PLEKHM3: variants seen among roughly 807,000 people sequenced by gnomAD.
PLEKHM3 encodes pleckstrin homology domain-containing family M member 3.
PLEKHM3 carries 45 observed loss-of-function variants against 81.8 expected under a neutral mutation model. That is an observed-to-expected ratio of 0.55 (90% CI 0.43 to 0.71). The LOEUF (loss-of-function observed/expected upper bound fraction) is 0.71, where lower values mean the gene tolerates loss of function less well. Among genes scored for constraint, PLEKHM3 ranks in the 30% least tolerant of loss-of-function variants. The pLI is 0.00. For missense variants in PLEKHM3, 788 were observed against 924.3 expected (o/e 0.85, Z 1.91); for synonymous variants, 352 against 356.4 (o/e 0.99, Z 0.14).
chr2:207,834,094 G>C (rs2092303637), intron 7 of PLEKHM3, among the ~76,000 whole-genome samples: 1 of 151,272 alleles, frequency 6.6e-6, no homozygotes, highest in African/African-American at 2.4e-5. Flanking sequence ...GTGCATCACT[G>C]TCACTCCCTA....
chr2:207,908,630 T>A, intron 5 of PLEKHM3, 53 bp from the exon 6 acceptor site: 2 of 1,476,386 alleles, frequency 1.4e-6, no homozygotes, highest in Non-Finnish European at 1.9e-6. Context: ...ATAACACACA[T>A]TTTTCTGATA....
chr2:207,968,400 A>G (rs555167098), intron 3 of PLEKHM3, among the ~76,000 whole-genome samples: 1 of 152,136 alleles, frequency 6.6e-6, no homozygotes, highest in Non-Finnish European at 1.5e-5. Flanking sequence ...GTGGGGGGCC[A>G]CTTTAGCTCT....
At chr2:207,922,476 A>T (rs1031286255) in intron 5 of PLEKHM3, among the ~76,000 whole-genome samples, 8 of 152,082 alleles carry the variant, frequency 5.3e-5, no homozygotes, top group Admixed American at 3.9e-4. Flanking sequence ...GGGCCTTCTG[A>T]TCTAGCCAGC....
rs773743689 is a variant in PLEKHM3, at chr2:208,001,581, A to C, written c.59T>G (p.Phe20Cys). The change falls in exon 2 of 8, where the codon TTT becomes TGT. Residue 20 changes from phenylalanine (F) to cysteine (C), a missense_variant. Transcript: ENST00000427836. Reference protein sequence around the residue: ...SPALEVTEEFFSTLDSNLEKA... With the variant: ...SPALEVTEEFCSTLDSNLEKA... ...TTCTAGATTACTATCCAAAGTACTA[A>C]AGAATTCCTCCGTAACTTCTAAGGC... 6 of 1,614,040 alleles carry C rather than the reference A, an allele frequency of 3.7e-6. No homozygotes were observed. The Admixed American group carries it at 8.3e-5, about 22-fold the overall frequency.
chr2:207,892,740 C>T (rs1020696644), intron 6 of PLEKHM3, among the ~76,000 whole-genome samples: 10 of 152,156 alleles, frequency 6.6e-5, no homozygotes, highest in Non-Finnish European at 1.5e-4. Flanking sequence ...TGAAGAAAAA[C>T]CCAGAAGCAA....
intron 3 of PLEKHM3, among the ~76,000 whole-genome samples, chr2:207,971,071 G>A (rs1366918200): frequency 6.6e-6 from 1 of 152,152 alleles, no homozygotes; most frequent in Non-Finnish European, 1.5e-5. Context: ...CCCTACAGTG[G>A]GCCATCCAAT....
intron 5 of PLEKHM3, among the ~76,000 whole-genome samples, chr2:207,930,321 C>G (rs1689547258): frequency 6.6e-6 from 1 of 152,082 alleles, no homozygotes; most frequent in Non-Finnish European, 1.5e-5. Context: ...GTGGCTCACA[C>G]CTGTAATCCC....
At chr2:207,974,217 T>C (rs909860209) in intron 3 of PLEKHM3, among the ~76,000 whole-genome samples, 1 of 152,240 alleles carries the variant, frequency 6.6e-6, no homozygotes, top group African/African-American at 2.4e-5. Flanking sequence ...TTCCTGTTCT[T>C]TTCTACTCAG....
intron 1 of PLEKHM3, among the ~76,000 whole-genome samples, chr2:208,004,460 G>C: frequency 6.6e-6 from 1 of 152,130 alleles, no homozygotes; most frequent in African/African-American, 2.4e-5. Flanking sequence ...GGCCATGCTG[G>C]TTGGTGGAAT....
At chr2:207,866,793 G>C (rs984768596) in intron 6 of PLEKHM3, among the ~76,000 whole-genome samples, 3 of 152,038 alleles carry the variant, frequency 2.0e-5, no homozygotes, top group Non-Finnish European at 4.4e-5. Context: ...ACCCTGTCTT[G>C]ATCTAGAAAG....
At chr2:208,006,953 C>T (rs1277355072) in intron 1 of PLEKHM3, among the ~76,000 whole-genome samples, 1 of 152,134 alleles carries the variant, frequency 6.6e-6, no homozygotes, top group Non-Finnish European at 1.5e-5. Context: ...TTAGGCAAGG[C>T]TAATTAACAG....
chr2:207,893,913 C>T (rs559294651), intron 6 of PLEKHM3, among the ~76,000 whole-genome samples: 7 of 152,154 alleles, frequency 4.6e-5, no homozygotes, highest in South Asian at 2.1e-4. Context: ...CTCAGGAGTT[C>T]GAGACCAGCC....
At chr2:207,828,833 A>G (rs753343077) in intron 7 of PLEKHM3, among the ~76,000 whole-genome samples, 22 of 152,186 alleles carry the variant, frequency 1.4e-4, no homozygotes, top group Non-Finnish European at 2.5e-4. Flanking sequence ...TCTAGAGTGA[A>G]ATGACAGAAA....
chr2:207,909,012 A>C (rs1291399909), intron 5 of PLEKHM3, among the ~76,000 whole-genome samples: 1 of 152,142 alleles, frequency 6.6e-6, no homozygotes, highest in Non-Finnish European at 1.5e-5. Flanking sequence ...CTATATCTAA[A>C]TATATTGATC....
intron 6 of PLEKHM3, among the ~76,000 whole-genome samples, chr2:207,897,881 G>A (rs930193325): frequency 3.3e-5 from 5 of 152,210 alleles, no homozygotes; most frequent in African/African-American, 1.2e-4. Flanking sequence ...TTAAGGGAAT[G>A]TAGGGCTTCC....
At chr2:207,903,860 C>T (rs6716895) in intron 6 of PLEKHM3, among the ~76,000 whole-genome samples, 2,855 of 152,300 alleles carry the variant, frequency 0.019, 88 homozygotes, top group African/African-American at 0.065. Context: ...TTGAGAGTTA[C>T]GGTACAAGTC....
intron 4 of PLEKHM3, 72 bp downstream of exon 4, chr2:207,946,295 C>T: frequency 6.6e-7 from 1 of 1,513,978 alleles, no homozygotes; most frequent in Non-Finnish European, 9.0e-7. Context: ...TGATCACCAT[C>T]TTTATAATCC....
At chr2:207,955,916 G>A (rs950369093) in intron 3 of PLEKHM3, among the ~76,000 whole-genome samples, 3 of 152,310 alleles carry the variant, frequency 2.0e-5, no homozygotes, top group Non-Finnish European at 1.5e-5. Context: ...GTAAACAGCA[G>A]AAGATAAGAG....
chr2:207,961,308 T>G (rs1260545018), intron 3 of PLEKHM3, among the ~76,000 whole-genome samples: 1 of 152,204 alleles, frequency 6.6e-6, no homozygotes, highest in Admixed American at 6.5e-5. Context: ...AGTCTGCTGA[T>G]TTAAAAGAGA....
Sources: allele counts gnomAD v4.1 joint callset (sites outside exome capture counted in the v4.1 genomes callset), GRCh38; gene constraint gnomAD v4.1.1; transcripts MANE v1.5; gene names NCBI Gene and HGNC (gene_info 2026-07-23, HGNC 2026-07-21).